The following ZNF391 variants were observed in gnomAD, a reference collection of about 807,000 sequenced individuals.
ZNF391 encodes the protein zinc finger protein 391.
For missense variants in ZNF391, 375 were observed against 425.5 expected, an observed-to-expected ratio of 0.88 and a Z score of 1.04; for synonymous variants, 126 against 142.1, an observed-to-expected ratio of 0.89 and a Z score of 0.80.
chr6:27,380,944 C>T (rs948693545), intron 1 of ZNF391, among the ~76,000 whole-genome samples: 1 of 152,220 alleles, frequency 6.6e-6, no homozygotes, highest in Non-Finnish European at 1.5e-5. Flanking sequence ...TTTACAATCC[C>T]TGAGCTAGAC....
upstream of ZNF391, among the ~76,000 whole-genome samples, chr6:27,388,445 G>A (rs1300891295): frequency 6.6e-6 from 1 of 152,082 alleles, no homozygotes; most frequent in Non-Finnish European, 1.5e-5. Flanking sequence ...CCGGGCCAAC[G>A]AGTCAATCTC....
At chr6:27,381,781 C>T (rs1414301517) in intron 1 of ZNF391, among the ~76,000 whole-genome samples, 6 of 152,178 alleles carry the variant, frequency 3.9e-5, no homozygotes, top group Non-Finnish European at 7.3e-5. Flanking sequence ...ACCTGTAGTC[C>T]CATCACTTTA....
upstream of ZNF391, among the ~76,000 whole-genome samples, chr6:27,388,554 C>T (rs1191121317): frequency 6.6e-6 from 1 of 152,222 alleles, no homozygotes; most frequent in Non-Finnish European, 1.5e-5. Flanking sequence ...CTAGGCTATA[C>T]TTTGCAGTGT....
chr6:27,401,507 A>T lies in ZNF391; in HGVS notation c.*60A>T. ...CATATACCTAACCTCCCACCACTGA[A>T]ATATATATATTTCAAGTATATATAT... On this transcript the variant is annotated 3_prime_UTR_variant, in exon 3 of 3. Transcript: ENST00000244576. 8.0e-7 allele frequency: 1 copy of T among 1,255,464 alleles called. No homozygotes were observed. The highest frequency in any genetic ancestry group is 1.1e-6 in the Non-Finnish European group (1 of 908,626). 77.8% of individuals were successfully genotyped at this position (1,255,464 alleles called of 1,614,324 possible).
At chr6:27,388,378 G>A (rs1761617362), upstream of ZNF391, among the ~76,000 whole-genome samples, 1 of 151,998 alleles carries the variant, frequency 6.6e-6, no homozygotes, top group South Asian at 2.1e-4. Context: ...CTCCAGACAG[G>A]CTGGAGAGAC....
At chr6:27,375,946 C>G (rs913532188) in intron 1 of ZNF391, among the ~76,000 whole-genome samples, 5 of 152,086 alleles carry the variant, frequency 3.3e-5, no homozygotes, top group African/African-American at 1.2e-4. Context: ...TTAAATACCC[C>G]CTAGAGGATT....
chr6:27,378,375 G>A (rs1761448767), intron 1 of ZNF391, among the ~76,000 whole-genome samples: 1 of 152,074 alleles, frequency 6.6e-6, no homozygotes, highest in Non-Finnish European at 1.5e-5. Context: ...GGAGATAGGG[G>A]TGGGGCCGTT....
At chr6:27,388,220 C>T (rs1049361688), upstream of ZNF391, among the ~76,000 whole-genome samples, 2 of 152,282 alleles carry the variant, frequency 1.3e-5, no homozygotes. Flanking sequence ...ACTTCATTAC[C>T]TTATATTAAA....
chr6:27,383,680 C>T (rs1421004677), intron 1 of ZNF391, among the ~76,000 whole-genome samples: 3 of 152,138 alleles, frequency 2.0e-5, no homozygotes, highest in Non-Finnish European at 4.4e-5. Context: ...GGGCCCCACC[C>T]ACATGGCCTC....
chr6:27,400,918 A>T lies in ZNF391; in HGVS notation c.548A>T (p.His183Leu), dbSNP rs765898245. The change falls in exon 3 of 3, where the codon CAT (histidine) becomes CTT (leucine). Residue 183 changes from histidine to leucine, a missense_variant. His to Leu is a moderately conservative substitution (Grantham distance 99). Coordinates refer to ENST00000244576, the MANE Select transcript of ZNF391 (RefSeq NM_001076781.3). ...AFSRSTHLSLHQRIHTGEKPY... is the reference protein window; with the variant it reads ...AFSRSTHLSLLQRIHTGEKPY... ...AGCCGGAGCACACATCTTAGTCTACATCAGAGAATCCATACTGGAGAAAAA... is the reference window on the plus strand; with the variant it reads ...AGCCGGAGCACACATCTTAGTCTACTTCAGAGAATCCATACTGGAGAAAAA... The T allele has an allele frequency of 9.3e-6, 15 of 1,614,098 alleles. No individual in the cohort carries two copies. The highest frequency in any genetic ancestry group is 1.7e-5 in the Admixed American group (1 of 60,008).
upstream of ZNF391, among the ~76,000 whole-genome samples, chr6:27,386,094 A>C (rs993224078): frequency 1.3e-5 from 2 of 152,192 alleles, no homozygotes; most frequent in Non-Finnish European, 2.9e-5. Context: ...AAATGAAAAC[A>C]CAACTTATCA....
Position 27,374,751 on chromosome 6 carries a change from C to A in ZNF391, n.137C>A, listed in dbSNP as rs1256110794. ...CTATTTCTGACCTCTGGAGGCCGGG[C>A]TGAGCCCGGAATTTTATGACCAGCG... On this transcript the variant is annotated non_coding_transcript_exon_variant, in exon 1 of 3. Coordinates refer to the ZNF391 transcript ENST00000477999. This position sits in a 1 kb window ranked among gnomAD's most constrained non-coding sequence, Gnocchi z 5.3. 1 of 152,170 alleles carries A rather than the reference C, an allele frequency of 6.6e-6. No homozygotes were observed. Among genetic ancestry groups the A allele is most frequent in the Non-Finnish European group, 1.5e-5 (1 of 68,062 alleles). 9.4% of individuals were successfully genotyped at this position (152,170 alleles called of 1,614,324 possible). A position where few individuals can be genotyped will look rare whatever the true frequency, so the allele number is the denominator to read the frequency against.
upstream of ZNF391, among the ~76,000 whole-genome samples, chr6:27,388,456 G>A (rs1312815358): frequency 6.6e-6 from 1 of 152,058 alleles, no homozygotes. Context: ...AGTCAATCTC[G>A]GAGTGTAAAT....
At chr6:27,391,760 A>T (rs1198446851) in intron 1 of ZNF391, among the ~76,000 whole-genome samples, 2 of 152,150 alleles carry the variant, frequency 1.3e-5, no homozygotes, top group Non-Finnish European at 2.9e-5. Flanking sequence ...GAGTCTGCCA[A>T]ATTTTGCCAA....
chr6:27,393,828 T>C (rs897556454), intron 1 of ZNF391, among the ~76,000 whole-genome samples: 4 of 152,236 alleles, frequency 2.6e-5, no homozygotes, highest in South Asian at 2.1e-4. Context: ...TCATGTGTGT[T>C]ATGCCTTAGC....
chr6:27,393,698 A>G lies in ZNF391; in HGVS notation c.-188+4623A>G, dbSNP rs192012679. Among the ~76,000 whole-genome samples the G allele has an allele frequency of 1.8e-3, 275 of 152,280 alleles. 1 individual carries two copies. The highest frequency in any genetic ancestry group is 6.4e-3 in the African/African-American group (265 of 41,552). On this transcript the variant is annotated intron_variant, in intron 1 of 2. Transcript: ENST00000244576. ...ATGGGAAGATGAGGGAAAGTTTAGA[A>G]TTTCTTAGAGACTGGTTAAATGTTT...
In ZNF391 at chr6:27,400,675, T is replaced by C. The variant is rs779911595; in HGVS notation, c.305T>C (p.Leu102Pro). ...TCAGACTTAATTAAACACCAAAGAC[T>C]TTTCTCACAAAGAAAACCTTGTAAA... is the stretch of plus-strand genomic sequence containing the variant. ...DNSDLIKHQR[L>P]FSQRKPCKCN... is the part of the protein sequence containing the mutation. The change falls in exon 3 of 3, where the codon CTT becomes CCT. Residue 102 changes from leucine to proline, a missense_variant. Leu to Pro is a moderately conservative substitution (Grantham distance 98). Transcript: ENST00000244576. The C allele has an allele frequency of 6.8e-6, 11 of 1,613,744 alleles. No homozygotes were observed. The Admixed American group carries it at 1.0e-4, about 15-fold the overall frequency.
chr6:27,397,533 G>A (rs986822236), intron 1 of ZNF391, among the ~76,000 whole-genome samples: 5 of 152,164 alleles, frequency 3.3e-5, no homozygotes, highest in African/African-American at 1.2e-4. Flanking sequence ...AATAACAATG[G>A]AGGAGCTTAA....
In ZNF391 at chr6:27,403,216, T is replaced by C. The variant is rs995019448; in HGVS notation, c.*1769T>C. On this transcript the variant is annotated 3_prime_UTR_variant, in exon 3 of 3. Coordinates refer to ENST00000244576, the MANE Select transcript of ZNF391 (RefSeq NM_001076781.3). ...ACTTCTTTAACCTAAAGGTCTTTCA[T>C]AGTTTGATCTACTTACTTACTTCCT... The C allele has an allele frequency of 6.6e-5, 10 of 152,194 alleles. No individual in the cohort carries two copies. Among genetic ancestry groups the C allele is most frequent in the African/African-American group, 2.4e-4 (10 of 41,440 alleles). 9.4% of individuals were successfully genotyped at this position (152,194 alleles called of 1,614,324 possible).
Sources: allele counts gnomAD v4.1 joint callset (sites outside exome capture counted in the v4.1 genomes callset), GRCh38; gene constraint gnomAD v4.1.1; non-coding constraint Gnocchi (gnomAD v3.1); transcripts MANE v1.5; gene names NCBI Gene and HGNC (gene_info 2026-07-23, HGNC 2026-07-21).